REV1: variants seen among roughly 807,000 people sequenced by gnomAD.
REV1 encodes the protein REV1 DNA directed polymerase, also known as translesion synthesis protein REV1.
Under a neutral mutation model 137.4 loss-of-function variants are expected in REV1, and 42 were observed. The ratio of observed to expected loss-of-function variants is 0.31; its 90% CI spans 0.24 to 0.40. REV1 has a LOEUF of 0.40. Ranked by LOEUF, REV1 falls within the 10% of genes least tolerant of loss-of-function variation. REV1 has a pLI of 1.00. For synonymous variants in REV1, 524 were observed against 519.2 expected, an observed-to-expected ratio of 1.01 and a Z score of -0.12; for missense variants, 1,282 against 1,490.1, an observed-to-expected ratio of 0.86 and a Z score of 2.30.
At chr2:99,424,993 A>C in intron 9 of REV1, 1 of 856,588 alleles carries the variant, frequency 1.2e-6, no homozygotes, top group Non-Finnish European at 1.5e-6. Context: ...ATAATTATGG[A>C]ATTATACATA....
intron 1 of REV1, among the ~76,000 whole-genome samples, chr2:99,470,210 C>G (rs2105212681): frequency 6.6e-6 from 1 of 152,260 alleles, no homozygotes; most frequent in African/African-American, 2.4e-5. Context: ...AGAAAAACTT[C>G]CACTACATAT....
At chr2:99,403,357 G>A (rs1012975244) in intron 19 of REV1, 2 of 560,098 alleles carry the variant, frequency 3.6e-6, no homozygotes, top group Non-Finnish European at 6.3e-6. Context: ...CTAAATGTGG[G>A]TTTGATGTTT....
chr2:99,403,581 G>A (rs999434168), intron 19 of REV1, 114 bp downstream of exon 19: 20 of 1,277,926 alleles, frequency 1.6e-5, no homozygotes, highest in Admixed American at 7.1e-5. Context: ...CCAATATGAA[G>A]AGCTCTTAAT....
At chr2:99,444,137 G>C (rs1681880431) in intron 4 of REV1, among the ~76,000 whole-genome samples, 1 of 152,122 alleles carries the variant, frequency 6.6e-6, no homozygotes. Context: ...TCCTTTAATA[G>C]TTGGTCTCAA....
Position 99,408,157 on chromosome 2 carries a change from A to G in REV1, c.2346-26T>C, listed in dbSNP as rs1223841822. The stretch of plus-strand genomic sequence containing the variant: ...CTGTAAGTGATAGAATTAAAAAACA[A>G]AAGCTTCATTCCATATGTATTCACT... On this transcript the variant is annotated intron_variant, in intron 14 of 22. Coordinates refer to ENST00000258428, the MANE Select transcript of REV1 (RefSeq NM_016316.4). 5 of 1,419,124 alleles carry G rather than the reference A, an allele frequency of 3.5e-6. 1 individual carries two copies. In the South Asian group the frequency reaches 4.8e-5, roughly 14 times the overall value. The allele number at this position is 1,419,124 out of a possible 1,614,324, so 87.9% of individuals were successfully genotyped here. A position where few individuals can be genotyped will look rare whatever the true frequency, so the allele number is the denominator to read the frequency against.
chr2:99,449,392 G>T lies in REV1; in HGVS notation c.294C>A (p.Ala98=). The T allele has an allele frequency of 6.4e-7, 1 of 1,569,470 alleles. No homozygotes were observed. The highest frequency in any genetic ancestry group is 8.6e-7 in the Non-Finnish European group (1 of 1,159,558). ...THIIATNLPN[A]KIKELKGEKV... is the part of the protein sequence containing the mutation. ...TTTCCCCCTTTAATTCTTTAATTTT[G>T]GCATTGGGAAGATTTGTGGCAATAA... Residue 98 remains alanine (A), a synonymous_variant, in exon 4 of 23, where the codon GCC becomes GCA. Coordinates refer to ENST00000258428, the MANE Select transcript of REV1 (RefSeq NM_016316.4).
At chr2:99,407,144 C>T (rs1182827110) in intron 15 of REV1, among the ~76,000 whole-genome samples, 2 of 116,344 alleles carry the variant, frequency 1.7e-5, no homozygotes, top group African/African-American at 3.4e-5. Flanking sequence ...GGCTGGAGTG[C>T]GGTGGCACGA....
intron 1 of REV1, among the ~76,000 whole-genome samples, chr2:99,468,979 G>A (rs1222944923): frequency 2.0e-5 from 3 of 152,110 alleles, no homozygotes; most frequent in Non-Finnish European, 2.9e-5. Flanking sequence ...GACTAGATAC[G>A]GACTCAAATC....
chr2:99,426,150 G>C (rs1679327906), intron 9 of REV1, among the ~76,000 whole-genome samples: 1 of 151,816 alleles, frequency 6.6e-6, no homozygotes, highest in South Asian at 2.1e-4. Flanking sequence ...GTTGAGACCA[G>C]CCTGGCCAAC....
intron 3 of REV1, 122 bp from the exon 4 acceptor site, chr2:99,449,626 T>G: frequency 2.2e-6 from 1 of 459,816 alleles, no homozygotes; most frequent in Non-Finnish European, 3.5e-6. Flanking sequence ...CTTGGCTGTG[T>G]TGCCAGTAAA....
At chr2:99,477,060 A>G (rs1193653217) in intron 1 of REV1, among the ~76,000 whole-genome samples, 1 of 112,684 alleles carries the variant, frequency 8.9e-6, no homozygotes. Flanking sequence ...AGTTGATCTC[A>G]TAAGTGAGGG....
chr2:99,438,288 AG>A (rs1359899225), intron 6 of REV1, among the ~76,000 whole-genome samples: 2 of 152,234 alleles, frequency 1.3e-5, no homozygotes, highest in Non-Finnish European at 2.9e-5. Flanking sequence ...AGCACTGGAT[AG>A]ATGTTATATT....
Position 99,403,930 on chromosome 2 carries a change from ATTC to A in REV1, c.3046-118_3046-116del, listed in dbSNP as rs370663666. On this transcript the variant is annotated intron_variant, in intron 18 of 22. Coordinates refer to ENST00000258428, the MANE Select transcript of REV1 (RefSeq NM_016316.4). ...AATCTCACTTTTCTGATCTGTACGA[ATTC>A]TTAACAGTTCCCCAATATCAAAGCT... The A allele has an allele frequency of 2.3e-3, 2,887 of 1,259,290 alleles. 76 individuals carry two copies. The South Asian group carries it at 0.038, about 17-fold the overall frequency. 78.0% of individuals were successfully genotyped at this position (1,259,290 alleles called of 1,614,324 possible).
intron 1 of REV1, among the ~76,000 whole-genome samples, chr2:99,476,899 G>A (rs1686041059): frequency 6.6e-6 from 1 of 152,206 alleles, no homozygotes; most frequent in Non-Finnish European, 1.5e-5. Context: ...GGACTCTTCT[G>A]TGTGCCCCAT....
intron 5 of REV1, among the ~76,000 whole-genome samples, chr2:99,440,302 A>G (rs1373754541): frequency 1.3e-5 from 2 of 152,278 alleles, no homozygotes; most frequent in East Asian, 3.8e-4. Context: ...AAATGTCCAT[A>G]GCATTAATTC....
chr2:99,407,755 A>G (rs757909743), intron 15 of REV1, among the ~76,000 whole-genome samples: 1 of 152,216 alleles, frequency 6.6e-6, no homozygotes, highest in Non-Finnish European at 1.5e-5. Context: ...TACTTCTAGG[A>G]AACAAGAACA....
intron 1 of REV1, among the ~76,000 whole-genome samples, chr2:99,467,919 G>A (rs1684994898): frequency 6.6e-6 from 1 of 151,488 alleles, no homozygotes; most frequent in African/African-American, 2.4e-5. Flanking sequence ...GATGGCTCAC[G>A]CCTATAATCC....
chr2:99,412,995 TAAC>T (rs1329062771), intron 12 of REV1, 44 bp from the exon 13 acceptor site: 4 of 1,370,736 alleles, frequency 2.9e-6, no homozygotes, highest in Non-Finnish European at 4.2e-6. Flanking sequence ...AAGCTACTAA[TAAC>T]AAGTTTATTA....
At chr2:99,466,248 G>A (rs1214741214) in intron 1 of REV1, among the ~76,000 whole-genome samples, 2 of 150,060 alleles carry the variant, frequency 1.3e-5, no homozygotes, top group Non-Finnish European at 3.0e-5. Flanking sequence ...ACCGTGCCCG[G>A]CCTCTTTTTT....
Sources: allele counts gnomAD v4.1 joint callset (sites outside exome capture counted in the v4.1 genomes callset), GRCh38; gene constraint gnomAD v4.1.1; transcripts MANE v1.5; gene names NCBI Gene and HGNC (gene_info 2026-07-23, HGNC 2026-07-21).